Variants in RERE observed in about 807,000 individuals in gnomAD.
The protein encoded by RERE is arginine-glutamic acid dipeptide repeats protein.
In RERE, 40 loss-of-function variants were observed where a neutral mutation model predicts 146.1. The observed-to-expected ratio is 0.27, with a 90% confidence interval of 0.21 to 0.36. The LOEUF (loss-of-function observed/expected upper bound fraction) is 0.36, where lower values mean the gene tolerates loss of function less well. Ranked by LOEUF, RERE falls within the 10% of genes least tolerant of loss-of-function variation. RERE has a pLI of 1.00. For missense variants in RERE, 1,933 were observed against 2,138.7 expected (o/e 0.90, Z 1.90); for synonymous variants, 1,003 against 866.0 (o/e 1.16, Z -2.78).
intron 1 of RERE, among the ~76,000 whole-genome samples, chr1:8,736,851 GAAAA>G (rs34872965): frequency 2.0e-5 from 2 of 99,806 alleles, no homozygotes; most frequent in East Asian, 6.3e-4. Flanking sequence ...AAGCAAGGGG[GAAAA>G]AAAAAAAAAA....
At chr1:8,727,997 G>C (rs1038171154) in intron 1 of RERE, among the ~76,000 whole-genome samples, 10 of 152,310 alleles carry the variant, frequency 6.6e-5, no homozygotes, top group African/African-American at 2.4e-4. Context: ...TCACACATTT[G>C]ACCACATGCA....
At chr1:8,651,889 C>A (rs918754608) in intron 2 of RERE, among the ~76,000 whole-genome samples, 2 of 152,008 alleles carry the variant, frequency 1.3e-5, no homozygotes, top group Non-Finnish European at 2.9e-5. Context: ...GCATGTAGTT[C>A]ACTGCAGCCT....
At chr1:8,720,455 G>C (rs1232356415) in intron 1 of RERE, among the ~76,000 whole-genome samples, 1 of 152,066 alleles carries the variant, frequency 6.6e-6, no homozygotes, top group Non-Finnish European at 1.5e-5. Context: ...AGTAGAGCAA[G>C]AAGGATTAAA....
At chr1:8,452,075 T>G (rs1015281293) in intron 11 of RERE, among the ~76,000 whole-genome samples, 4 of 152,168 alleles carry the variant, frequency 2.6e-5, no homozygotes, top group African/African-American at 9.7e-5. Context: ...ACTCAAATTC[T>G]TTTAGCCCTT....
rs748627300 is a variant in RERE, at chr1:8,580,676, C to T, written c.523-23153G>A. Among the ~76,000 whole-genome samples, 6 of 152,074 alleles carry T rather than the reference C, an allele frequency of 3.9e-5. No homozygotes were observed. The South Asian group carries it at 1.2e-3, about 31-fold the overall frequency. On this transcript the variant is annotated intron_variant, in intron 4 of 22. Transcript: ENST00000400908. ...TCTCTCAAGCACTTTCCCAGTCAAT[C>T]CTCACCCTACCCATAGAAAACCTCG...
intron 1 of RERE, among the ~76,000 whole-genome samples, chr1:8,814,914 C>G (rs1641881602): frequency 1.3e-5 from 2 of 152,178 alleles, no homozygotes; most frequent in African/African-American, 4.8e-5. Flanking sequence ...ATAATAATGC[C>G]TCAATGCAAC....
At chr1:8,547,934 G>T (rs564638304) in intron 6 of RERE, among the ~76,000 whole-genome samples, 3 of 152,124 alleles carry the variant, frequency 2.0e-5, no homozygotes, top group Non-Finnish European at 4.4e-5. Flanking sequence ...ATTTATAATT[G>T]CAAAATCCTA....
At chr1:8,407,407 A>G (rs1643478710) in intron 12 of RERE, among the ~76,000 whole-genome samples, 1 of 152,252 alleles carries the variant, frequency 6.6e-6, no homozygotes, top group African/African-American at 2.4e-5. Context: ...GGAAGCACAT[A>G]CATTTATACT....
chr1:8,516,391 T>A (rs931516601), intron 7 of RERE, among the ~76,000 whole-genome samples: 1 of 152,070 alleles, frequency 6.6e-6, no homozygotes, highest in East Asian at 1.9e-4. Context: ...TAGGTAATAA[T>A]AATAACAATA....
At chr1:8,665,218 C>T (rs1210654912) in intron 1 of RERE, among the ~76,000 whole-genome samples, 2 of 152,202 alleles carry the variant, frequency 1.3e-5, no homozygotes, top group Admixed American at 1.3e-4. Context: ...GGATAGCTTT[C>T]TTGTTCAAAA....
At chr1:8,666,721 A>C (rs1638583704) in intron 1 of RERE, among the ~76,000 whole-genome samples, 1 of 152,254 alleles carries the variant, frequency 6.6e-6, no homozygotes, top group Non-Finnish European at 1.5e-5. Flanking sequence ...TATCACTGAA[A>C]TATGAAGTCA....
intron 8 of RERE, among the ~76,000 whole-genome samples, chr1:8,503,762 T>C (rs1645213017): frequency 6.6e-6 from 1 of 152,224 alleles, no homozygotes; most frequent in East Asian, 1.9e-4. Flanking sequence ...CTCTAGGAAC[T>C]GTTTCAAGTA....
chr1:8,530,679 C>CTTTTTT (rs1197212764), intron 7 of RERE, among the ~76,000 whole-genome samples: 1,122 of 96,736 alleles, frequency 0.012, 14 homozygotes, highest in African/African-American at 0.018. Flanking sequence ...TTTTCGTTTT[C>CTTTTTT]TTTTTTTTTT....
At chr1:8,720,704 C>T (rs556182254) in intron 1 of RERE, among the ~76,000 whole-genome samples, 77 of 152,248 alleles carry the variant, frequency 5.1e-4, no homozygotes, top group Middle Eastern at 6.8e-3. Context: ...CAAGAGTAGA[C>T]AAGAAGCACA....
intron 1 of RERE, among the ~76,000 whole-genome samples, chr1:8,772,767 A>G (rs1211853252): frequency 6.6e-6 from 1 of 151,978 alleles, no homozygotes; most frequent in Admixed American, 6.6e-5. Context: ...CAACAGAGCA[A>G]GACTCGGTCT....
At chr1:8,412,037 GAACC>G (rs1158264340) in intron 12 of RERE, among the ~76,000 whole-genome samples, 1 of 152,174 alleles carries the variant, frequency 6.6e-6, no homozygotes, top group Admixed American at 6.5e-5. Flanking sequence ...GTGGGAAGAA[GAACC>G]AAGTTCTGAT....
intron 10 of RERE, among the ~76,000 whole-genome samples, chr1:8,488,085 T>TC (rs1553173391): frequency 5.1e-4 from 30 of 58,680 alleles, no homozygotes; most frequent in Non-Finnish European, 9.7e-4. Flanking sequence ...TTTTTTTTAA[T>TC]CAAAAAAAAA....
intron 1 of RERE, among the ~76,000 whole-genome samples, chr1:8,696,040 C>G (rs1311872415): frequency 1.3e-5 from 2 of 152,058 alleles, no homozygotes; most frequent in Non-Finnish European, 2.9e-5. Context: ...TATCGTCTCA[C>G]GCCAGTCAGA....
intron 4 of RERE, among the ~76,000 whole-genome samples, chr1:8,558,259 G>A (rs1361530786): frequency 6.6e-6 from 1 of 152,184 alleles, no homozygotes; most frequent in Non-Finnish European, 1.5e-5. Flanking sequence ...ATCCCTAAAA[G>A]TTAATTTTGT....
Sources: allele counts gnomAD v4.1 joint callset (sites outside exome capture counted in the v4.1 genomes callset), GRCh38; gene constraint gnomAD v4.1.1; transcripts MANE v1.5; gene names NCBI Gene and HGNC (gene_info 2026-07-23, HGNC 2026-07-21).